FGD2: variants seen among roughly 807,000 people sequenced by gnomAD.
FGD2 encodes the protein FYVE, RhoGEF and PH domain containing 2.
FGD2 carries 52 observed loss-of-function variants against 75.9 expected under a neutral mutation model. The observed-to-expected ratio is 0.69, with a 90% confidence interval of 0.55 to 0.86. The LOEUF is 0.86. Among genes scored for constraint, FGD2 ranks in the 40% least tolerant of loss-of-function variants. The pLI, the probability that FGD2 is intolerant of heterozygous loss-of-function variation, is 0.00. For missense variants in FGD2, 790 were observed against 872.0 expected, an observed-to-expected ratio of 0.91 and a Z score of 1.18; for synonymous variants, 347 against 348.6, an observed-to-expected ratio of 1.00 and a Z score of 0.05.
Position 37,028,147 on chromosome 6 carries a change from G to A in FGD2, c.1952G>A (p.Gly651Glu), listed in dbSNP as rs1419365415. 6.3e-7 allele frequency: 1 copy of A among 1,596,160 alleles called. No homozygotes were observed. Among genetic ancestry groups the A allele is most frequent in the Non-Finnish European group, 8.5e-7 (1 of 1,171,204 alleles). ...SGWSPSWPND[G>E]DLSD ...TGGAGCCCCAGCTGGCCCAACGATG[G>A]GGACCTGTCCGACTGAGCCACTGCC... is the stretch of plus-strand genomic sequence containing the variant. Residue 651 changes from glycine (G) to glutamate (E), a missense_variant, in exon 16 of 16, where the codon GGG (glycine) becomes GAG (glutamate). Physicochemically the swap from Gly to Glu is moderately conservative, Grantham distance 98. Coordinates refer to ENST00000274963, the MANE Select transcript of FGD2 (RefSeq NM_173558.4).
Position 37,007,932 on chromosome 6 carries a change from G to A in FGD2, c.69-902G>A, listed in dbSNP as rs186279722. On this transcript the variant is annotated intron_variant, in intron 1 of 15. Coordinates refer to ENST00000274963, the MANE Select transcript of FGD2 (RefSeq NM_173558.4). ...TTGGGGCAAGTCACTTTGACTCCGC[G>A]GACCTGTTTCTCCTTTACTCAAATG... 3.3e-5 allele frequency among the ~76,000 whole-genome samples: 5 copies of A among 152,218 alleles called. 1 individual carries two copies. The highest frequency in any genetic ancestry group is 3.9e-4 in the East Asian group (2 of 5,176).
At chr6:37,014,257 C>A in intron 6 of FGD2, 157 bp downstream of exon 6, 3 of 893,858 alleles carry the variant, frequency 3.4e-6, no homozygotes, top group Non-Finnish European at 5.0e-6. Flanking sequence ...CCATTTTTCA[C>A]AGATGAGGAC....
intron 15 of FGD2, 125 bp from the exon 16 acceptor site, chr6:37,027,823 C>A (rs1486165939): frequency 3.4e-6 from 4 of 1,175,422 alleles, no homozygotes; most frequent in Non-Finnish European, 4.8e-6. Flanking sequence ...CCTTCACCAG[C>A]CCACCCCCAA....
At chr6:37,017,415 C>A (rs147109395) in intron 9 of FGD2, among the ~76,000 whole-genome samples, 1 of 152,220 alleles carries the variant, frequency 6.6e-6, no homozygotes, top group African/African-American at 2.4e-5. Context: ...AAGGTCATAT[C>A]GCAAATGCTA....
intron 1 of FGD2, among the ~76,000 whole-genome samples, chr6:37,007,882 G>A (rs1031089535): frequency 6.6e-6 from 1 of 152,156 alleles, no homozygotes; most frequent in East Asian, 1.9e-4. Context: ...CAATGCTTTC[G>A]CTGCCACAAA....
chr6:37,013,539 C>T (rs1316689382), intron 4 of FGD2, 70 bp from the exon 5 acceptor site: 48 of 1,548,724 alleles, frequency 3.1e-5, no homozygotes, highest in Non-Finnish European at 3.8e-5. Flanking sequence ...GGAGCCTGGC[C>T]TCACCTGGCC....
intron 1 of FGD2, among the ~76,000 whole-genome samples, chr6:37,008,094 C>G (rs1764833845): frequency 6.6e-6 from 1 of 152,200 alleles, no homozygotes; most frequent in South Asian, 2.1e-4. Context: ...TAATGAAAAC[C>G]TTTCTCACGG....
intron 9 of FGD2, among the ~76,000 whole-genome samples, chr6:37,016,392 G>A (rs905502457): frequency 6.0e-4 from 91 of 152,270 alleles, no homozygotes; most frequent in African/African-American, 2.1e-3. Context: ...TCAGCTCAGC[G>A]GCTGGCTTGT....
Position 37,008,904 on chromosome 6 carries a change from G to A in FGD2, c.139G>A (p.Glu47Lys), listed in dbSNP as rs750198030. 6.8e-6 allele frequency: 11 copies of A among 1,614,054 alleles called. No homozygotes were observed. The East Asian group carries it at 1.8e-4, about 26-fold the overall frequency. The change falls in exon 2 of 16, where the codon GAG becomes AAG. Residue 47 changes from glutamate (E) to lysine (K), a missense_variant. Glu to Lys is a moderately conservative substitution (Grantham distance 56). Transcript: ENST00000274963. ...VHHRPECRPPESPGPREKTNV... is the reference protein window; with the variant it reads ...VHHRPECRPPKSPGPREKTNV... The stretch of plus-strand genomic sequence containing the variant: ...TCACCGCCCTGAGTGCAGGCCTCCC[G>A]AGTCCCCAGGACCACGGGAGAAGAC...
chr6:37,015,675 G>A, intron 8 of FGD2, 93 bp from the exon 9 acceptor site: 1 of 1,150,208 alleles, frequency 8.7e-7, no homozygotes, highest in Non-Finnish European at 1.3e-6. Context: ...GTCCAGTGGT[G>A]CTCAGCCCAT....
At chr6:37,013,841 G>C (rs567477782) in intron 5 of FGD2, 76 bp downstream of exon 5, 14 of 1,592,064 alleles carry the variant, frequency 8.8e-6, no homozygotes, top group Admixed American at 1.7e-5. Flanking sequence ...GAGTGATTCC[G>C]GGCATCTCCC....
chr6:37,010,355 A>G (rs1764947180), intron 2 of FGD2, among the ~76,000 whole-genome samples: 1 of 152,026 alleles, frequency 6.6e-6, no homozygotes, highest in Admixed American at 6.6e-5. Flanking sequence ...CATTAATCCT[A>G]CCAGTTTAGT....
At chr6:37,019,846 TTTTCTTTTC>T (rs1412550355) in intron 9 of FGD2, among the ~76,000 whole-genome samples, 3 of 110,160 alleles carry the variant, frequency 2.7e-5, no homozygotes, top group Non-Finnish European at 5.3e-5. Flanking sequence ...TCTTCTTTTC[TTTTCTTTTC>T]TTTTTTTTTT....
intron 1 of FGD2, among the ~76,000 whole-genome samples, chr6:37,006,156 G>A (rs547285958): frequency 4.6e-5 from 7 of 152,350 alleles, no homozygotes; most frequent in Non-Finnish European, 1.0e-4. Flanking sequence ...TGTGGGCACA[G>A]GACCCCACCC....
chr6:37,026,786 G>A (rs560570197), intron 14 of FGD2, among the ~76,000 whole-genome samples: 5 of 151,862 alleles, frequency 3.3e-5, no homozygotes, highest in South Asian at 4.2e-4. Flanking sequence ...GATCACGTGC[G>A]GTCAGGAGTT....
intron 3 of FGD2, 60 bp from the exon 4 acceptor site, chr6:37,011,646 G>C (rs546994527): frequency 6.2e-7 from 1 of 1,609,494 alleles, no homozygotes. Context: ...TAGTTCCCCC[G>C]GGCTGATGTG....
At chr6:37,006,182 C>T (rs554202668) in intron 1 of FGD2, among the ~76,000 whole-genome samples, 1 of 152,342 alleles carries the variant, frequency 6.6e-6, no homozygotes, top group South Asian at 2.1e-4. Flanking sequence ...CTGCCAGCAC[C>T]TCTCAGAAAA....
intron 13 of FGD2, 100 bp downstream of exon 13, chr6:37,022,470 TCCACCTAGGCCTCCACCTGCC>T: frequency 7.0e-7 from 1 of 1,437,778 alleles, no homozygotes; most frequent in South Asian, 1.5e-5. Context: ...CTCCGCTTGA[TCCACCTAGGCCTCCACCTGCC>T]CCACCTCGGC....
At chr6:37,015,722 C>A in intron 8 of FGD2, 46 bp from the exon 9 acceptor site, 2 of 1,535,778 alleles carry the variant, frequency 1.3e-6, no homozygotes, top group South Asian at 1.2e-5. Context: ...ACCTAGCCAT[C>A]CTCCCTGCCC....
Sources: allele counts gnomAD v4.1 joint callset (sites outside exome capture counted in the v4.1 genomes callset), GRCh38; gene constraint gnomAD v4.1.1; transcripts MANE v1.5; gene names NCBI Gene and HGNC (gene_info 2026-07-23, HGNC 2026-07-21).